SYNE2: variants seen among roughly 807,000 people sequenced by gnomAD.
The protein encoded by SYNE2 is spectrin repeat containing nuclear envelope protein 2, also known as nesprin-2.
A neutral mutation model predicts 856.3 loss-of-function variants in SYNE2; 431 were observed. The observed-to-expected ratio is 0.50, with a 90% CI of 0.47 to 0.55. SYNE2 has a LOEUF of 0.55. Among genes scored for constraint, SYNE2 ranks in the 20% least tolerant of loss-of-function variants. SYNE2 has a pLI of 0.00. For synonymous variants in SYNE2, 2,923 were observed against 2,872.3 expected (o/e 1.02, Z -0.56); for missense variants, 8,129 against 8,023.2 (o/e 1.01, Z -0.50).
chr14:64,031,450 T>C (rs1271925901), intron 45 of SYNE2, 93 bp downstream of exon 45: 17 of 1,105,776 alleles, frequency 1.5e-5, no homozygotes, highest in Non-Finnish European at 2.2e-5. Context: ...AGCATTCTGA[T>C]TTCATAATTA....
At chr14:64,191,864 T>C (rs1048044915) in intron 99 of SYNE2, among the ~76,000 whole-genome samples, 13 of 152,248 alleles carry the variant, frequency 8.5e-5, no homozygotes, top group African/African-American at 3.1e-4. Context: ...TTCCCACTTA[T>C]TCACTGTGGA....
chr14:63,841,660 G>A (rs1179468971), intron 1 of SYNE2, among the ~76,000 whole-genome samples: 1 of 152,138 alleles, frequency 6.6e-6, no homozygotes, highest in East Asian at 1.9e-4. Context: ...AGAGTACATT[G>A]TCAAGCTTTT....
At chr14:64,148,172 G>A (rs1189110801) in intron 84 of SYNE2, among the ~76,000 whole-genome samples, 1 of 151,964 alleles carries the variant, frequency 6.6e-6, no homozygotes, top group African/African-American at 2.4e-5. Context: ...AAAATTAGCC[G>A]GGCATGGTGG....
intron 96 of SYNE2, among the ~76,000 whole-genome samples, chr14:64,179,188 A>C (rs1490750064): frequency 6.6e-6 from 1 of 152,194 alleles, no homozygotes; most frequent in Non-Finnish European, 1.5e-5. Flanking sequence ...CCAGGCTGGA[A>C]TACAGTGGCG....
At chr14:64,205,387 G>A (rs2098600401) in intron 100 of SYNE2, among the ~76,000 whole-genome samples, 1 of 152,122 alleles carries the variant, frequency 6.6e-6, no homozygotes, top group Non-Finnish European at 1.5e-5. Flanking sequence ...AAAGAATTAT[G>A]TATGGGCCAC....
chr14:63,989,878 G>T (rs1275005249), intron 19 of SYNE2, among the ~76,000 whole-genome samples: 1 of 152,114 alleles, frequency 6.6e-6, no homozygotes, highest in African/African-American at 2.4e-5. Context: ...TCGAACTCCT[G>T]ACCTCAGGTG....
rs1455949048 is a variant in SYNE2, at chr14:64,190,150, G to A, written c.17951G>A (p.Ser5984Asn). ...KQMGDQLIKA[S>N]NKSRAAEIDD... ...ATGGGTGACCAGTTGATCAAGGCCA[G>A]CAACAAATCAAGAGCAGCTGAGATC... is the stretch of plus-strand genomic sequence containing the variant. Residue 5984 changes from serine (S) to asparagine (N), a missense_variant, in exon 99 of 116, where the codon AGC becomes AAC. Physicochemically the swap from Ser to Asn is conservative, Grantham distance 46. Around this residue, in one of 3 missense-constraint regions of SYNE2, gnomAD observed 5,410 missense variants for 5,284.8 expected, o/e 1.02. Transcript: ENST00000555002. The A allele has an allele frequency of 1.2e-6, 2 of 1,613,930 alleles. No individual in the cohort carries two copies. The highest frequency in any genetic ancestry group is 2.2e-5 in the East Asian group (1 of 44,884).
intron 18 of SYNE2, among the ~76,000 whole-genome samples, chr14:63,984,213 C>T (rs2096607939): frequency 6.6e-6 from 1 of 152,114 alleles, no homozygotes; most frequent in Admixed American, 6.5e-5. Flanking sequence ...CACTGCACTC[C>T]AGCCTGGGTG....
chr14:64,100,988 A>AT (rs1239841708), intron 63 of SYNE2, among the ~76,000 whole-genome samples: 1 of 151,810 alleles, frequency 6.6e-6, no homozygotes, highest in Non-Finnish European at 1.5e-5. Context: ...GAATTTCCTT[A>AT]TTTTTTAAGG....
chr14:64,152,480 A>C (rs1440412988), intron 84 of SYNE2, 84 bp from the exon 85 acceptor site: 5 of 1,390,404 alleles, frequency 3.6e-6, no homozygotes, highest in Non-Finnish European at 5.0e-6. Flanking sequence ...TTTTTACTTG[A>C]AAAGAGTGAA....
intron 66 of SYNE2, among the ~76,000 whole-genome samples, chr14:64,116,271 ATAAAT>A (rs569010055): frequency 9.9e-5 from 15 of 152,274 alleles, no homozygotes; most frequent in East Asian, 7.7e-4. Context: ...TATTAAAGAC[ATAAAT>A]TAAAACAGCT....
intron 1 of SYNE2, among the ~76,000 whole-genome samples, chr14:63,828,851 A>G (rs1889561332): frequency 6.6e-6 from 1 of 152,186 alleles, no homozygotes; most frequent in Admixed American, 6.6e-5. Context: ...TTTTGGTATC[A>G]TCGTGTGTTT....
intron 37 of SYNE2, 103 bp from the exon 38 acceptor site, chr14:64,022,648 G>A (rs1268061723): frequency 1.4e-5 from 10 of 732,350 alleles, no homozygotes; most frequent in African/African-American, 1.7e-5. Flanking sequence ...CTTTCACAAC[G>A]ATGTATATCT....
At chr14:63,952,821 A>G (rs904142709) in intron 7 of SYNE2, among the ~76,000 whole-genome samples, 2 of 152,218 alleles carry the variant, frequency 1.3e-5, no homozygotes, top group South Asian at 4.1e-4. Context: ...CATCTGGAGC[A>G]GACTATTTCC....
At position 64,207,253 on chromosome 14, in the gene SYNE2, C is replaced by T. The variant is rs1458903486; in HGVS notation, c.18202-1505C>T. Reference sequence around the variant, plus strand: ...TATATCAACCTAAACACTCAATGATCGGAATTGTGTATTTATATGAAGAAA... The same window carrying T: ...TATATCAACCTAAACACTCAATGATTGGAATTGTGTATTTATATGAAGAAA... On this transcript the variant is annotated intron_variant, in intron 100 of 115. Transcript: ENST00000555002. Among the ~76,000 whole-genome samples, 3 of 152,222 alleles carry T rather than the reference C, an allele frequency of 2.0e-5. No individual in the cohort carries two copies. In the East Asian group the frequency reaches 5.8e-4, roughly 29 times the overall value.
In SYNE2 at chr14:64,035,619, C is replaced by T. The variant is rs374588886; in HGVS notation, c.7221+4262C>T. 1.0e-3 allele frequency among the ~76,000 whole-genome samples: 151 copies of T among 146,828 alleles called. 1 individual carries two copies. The highest frequency in any genetic ancestry group is 3.8e-3 in the Middle Eastern group (1 of 262). ...GAAAAAGACCTTAGAAATTGTCTAA[C>T]GTAACCCTTTTATTTCAGGTGAGGG... On this transcript the variant is annotated intron_variant, in intron 45 of 115. Transcript: ENST00000555002.
intron 1 of SYNE2, among the ~76,000 whole-genome samples, chr14:63,790,041 A>G (rs1887676533): frequency 6.6e-6 from 1 of 152,202 alleles, no homozygotes; most frequent in Non-Finnish European, 1.5e-5. Context: ...GAGGAAGTTT[A>G]AGTCAGTGGT....
chr14:63,853,476 C>A (rs1174724334), intron 1 of SYNE2, among the ~76,000 whole-genome samples: 4 of 151,638 alleles, frequency 2.6e-5, no homozygotes, highest in Non-Finnish European at 5.9e-5. Flanking sequence ...CTCGGGCAGG[C>A]GCTGCGCGGG....
intron 66 of SYNE2, among the ~76,000 whole-genome samples, chr14:64,118,828 T>C (rs924402171): frequency 1.4e-5 from 2 of 146,016 alleles, no homozygotes; most frequent in African/African-American, 5.1e-5. Flanking sequence ...ACCACTGCAC[T>C]CTATCCTGGG....
Sources: gnomAD v4.1 joint callset for allele counts (sites outside exome capture counted in the v4.1 genomes callset) on GRCh38, gnomAD v4.1.1 for gene constraint, gnomAD v4.1.1 regional missense constraint, MANE v1.5 for transcripts, NCBI Gene and HGNC (gene_info 2026-07-23, HGNC 2026-07-21) for gene names.